SPATS2: variants seen among roughly 807,000 people sequenced by gnomAD.
The protein encoded by SPATS2 is spermatogenesis-associated serine-rich protein 2.
Under a neutral mutation model 63.7 loss-of-function variants are expected in SPATS2, and 38 were observed. That is an observed-to-expected ratio of 0.60 (90% confidence interval 0.46 to 0.78). The LOEUF is 0.78. Among genes scored for constraint, SPATS2 ranks in the 30% least tolerant of loss-of-function variants. SPATS2 has a pLI of 0.00. For missense variants in SPATS2, 588 were observed against 666.2 expected, an observed-to-expected ratio of 0.88 and a Z score of 1.29; for synonymous variants, 207 against 232.9, an observed-to-expected ratio of 0.89 and a Z score of 1.01.
intron 2 of SPATS2, among the ~76,000 whole-genome samples, chr12:49,427,470 T>C (rs773962378): frequency 2.6e-5 from 4 of 152,328 alleles, no homozygotes; most frequent in African/African-American, 4.8e-5. Context: ...TTAACTGTTA[T>C]GAATACTACG....
chr12:49,403,628 CACACACACACACAA>C (rs1293297415), intron 2 of SPATS2, among the ~76,000 whole-genome samples: 13 of 150,662 alleles, frequency 8.6e-5, no homozygotes, highest in African/African-American at 3.0e-4. Context: ...CACACACACA[CACACACACACACAA>C]ACAAAACTGG....
chr12:49,436,616 C>G (rs549256977), intron 2 of SPATS2, among the ~76,000 whole-genome samples: 8,395 of 131,706 alleles, frequency 0.064, 235 homozygotes, highest in African/African-American at 0.073. Context: ...GCTGACCCCC[C>G]CACCTCCCTC....
chr12:49,510,337 G>A (rs1946730555), intron 9 of SPATS2, among the ~76,000 whole-genome samples: 1 of 151,620 alleles, frequency 6.6e-6, no homozygotes, highest in South Asian at 2.1e-4. Context: ...TGATGTGGAT[G>A]GATCGCTTGA....
chr12:49,498,145 A>AAAAAAAAAAAAAAT (rs66900382), intron 8 of SPATS2, among the ~76,000 whole-genome samples: 1 of 98,980 alleles, frequency 1.0e-5, no homozygotes, highest in Non-Finnish European at 1.9e-5. Context: ...AAAAAAAAAA[A>AAAAAAAAAAAAAAT]ATATATATAT....
intron 6 of SPATS2, among the ~76,000 whole-genome samples, chr12:49,491,529 A>G (rs1946382449): frequency 6.6e-6 from 1 of 152,018 alleles, no homozygotes; most frequent in Non-Finnish European, 1.5e-5. Context: ...GGGCAACATG[A>G]TGAAACCTGA....
chr12:49,375,447 G>A (rs141670936), intron 2 of SPATS2, among the ~76,000 whole-genome samples: 305 of 152,286 alleles, frequency 2.0e-3, no homozygotes, highest in African/African-American at 6.8e-3. Context: ...TAGTTGAGCA[G>A]TACTTTTCCT....
intron 8 of SPATS2, 35 bp downstream of exon 8, chr12:49,497,044 A>C (rs1486249106): frequency 1.3e-6 from 2 of 1,504,332 alleles, no homozygotes; most frequent in African/African-American, 2.8e-5. Context: ...AGAAAATGAA[A>C]AATCTGTGTT....
chr12:49,500,974 G>T (rs990323679), intron 9 of SPATS2, among the ~76,000 whole-genome samples: 2 of 151,726 alleles, frequency 1.3e-5, no homozygotes, highest in Non-Finnish European at 2.9e-5. Context: ...TTGAGACAGG[G>T]TCTTACTCTG....
At chr12:49,515,726 A>G (rs1592477173) in intron 10 of SPATS2, among the ~76,000 whole-genome samples, 1 of 152,310 alleles carries the variant, frequency 6.6e-6, no homozygotes, top group Non-Finnish European at 1.5e-5. Context: ...TTTTGAGAAG[A>G]AGGTCCTTTT....
intron 2 of SPATS2, among the ~76,000 whole-genome samples, chr12:49,383,137 C>G (rs911382164): frequency 6.6e-6 from 1 of 152,016 alleles, no homozygotes; most frequent in African/African-American, 2.4e-5. Flanking sequence ...CCTGCCTCAG[C>G]CTCCCGGCTA....
At chr12:49,508,641 C>T (rs1946692965) in intron 9 of SPATS2, among the ~76,000 whole-genome samples, 1 of 152,094 alleles carries the variant, frequency 6.6e-6, no homozygotes, top group South Asian at 2.1e-4. Flanking sequence ...CACTTTGTTA[C>T]CCAGTCTGGT....
rs551502271 is a variant in SPATS2 at position 49,386,197 on chromosome 12, C to T, written c.-244+14907C>T. On this transcript the variant is annotated intron_variant, in intron 2 of 13. Coordinates refer to ENST00000552918, the MANE Select transcript of SPATS2 (RefSeq NM_023071.4). Reference sequence around the variant, plus strand: ...GTTATTTATTTGAGACAGAATCTCGCTCTGTCACCCAGGCTGGAGTGCAGT... The same window carrying T: ...GTTATTTATTTGAGACAGAATCTCGTTCTGTCACCCAGGCTGGAGTGCAGT... Among the ~76,000 whole-genome samples, 158 of 151,156 alleles carry T rather than the reference C, an allele frequency of 1.0e-3. 2 individuals are homozygous for T. The South Asian group carries it at 0.031, about 30-fold the overall frequency.
chr12:49,471,628 G>C (rs1946035605), intron 3 of SPATS2, among the ~76,000 whole-genome samples: 1 of 152,144 alleles, frequency 6.6e-6, no homozygotes, highest in African/African-American at 2.4e-5. Context: ...CACTGTGCCT[G>C]GCCAAAATTT....
At chr12:49,502,289 A>T (rs1209351407) in intron 9 of SPATS2, among the ~76,000 whole-genome samples, 2 of 152,190 alleles carry the variant, frequency 1.3e-5, no homozygotes, top group Non-Finnish European at 2.9e-5. Context: ...ATTGCAGAGG[A>T]GTAGTTAATC....
intron 1 of SPATS2, among the ~76,000 whole-genome samples, chr12:49,369,964 A>G (rs1943970173): frequency 1.3e-5 from 2 of 152,208 alleles, no homozygotes; most frequent in African/African-American, 2.4e-5. Context: ...TTTAGAAACC[A>G]GGAGTGAAAC....
At position 49,460,933 on chromosome 12, in the gene SPATS2, T is replaced by G. The variant is rs555735012; in HGVS notation, c.-80T>G. On this transcript the variant is annotated 5_prime_UTR_variant, in exon 3 of 14. Coordinates refer to ENST00000552918, the MANE Select transcript of SPATS2 (RefSeq NM_023071.4). ...CACACTTCCGTTGCCCACTTTTAAA[T>G]CAGAGATACCTACACTCAAAACCCA... 1.5e-4 allele frequency: 240 copies of G among 1,555,214 alleles called. 2 individuals carry two copies. The South Asian group carries it at 2.6e-3, about 17-fold the overall frequency.
intron 2 of SPATS2, among the ~76,000 whole-genome samples, chr12:49,449,800 A>G (rs1382895068): frequency 6.6e-6 from 1 of 152,192 alleles, no homozygotes; most frequent in African/African-American, 2.4e-5. Context: ...TGATTCAGTT[A>G]TCTCCACCTG....
In SPATS2 at chr12:49,498,132, C is replaced by CA. The variant is rs71439501; in HGVS notation, c.703+1137dup. ...CAGGTTTGAGACTATCCAATCAAGCCAAAAAAAAAAAAAATATATATATAT... is the reference window on the plus strand; with the variant it reads ...CAGGTTTGAGACTATCCAATCAAGCCAAAAAAAAAAAAAAATATATATATAT... On this transcript the variant is annotated intron_variant, in intron 8 of 13. Coordinates refer to ENST00000552918, the MANE Select transcript of SPATS2 (RefSeq NM_023071.4). Among the ~76,000 whole-genome samples, 107 of 117,290 alleles carry CA rather than the reference C, an allele frequency of 9.1e-4. 1 individual carries two copies. The highest frequency in any genetic ancestry group is 2.0e-3 in the Admixed American group (24 of 12,208). The allele number at this position is 117,290 out of a possible 152,430, so 76.9% of individuals were successfully genotyped here.
chr12:49,389,958 A>C, intron 2 of SPATS2: 1 of 807,422 alleles, frequency 1.2e-6, no homozygotes, highest in Non-Finnish European at 2.2e-6. Context: ...TGGCAGCAGT[A>C]ATGAAGAAAG....
Sources: allele counts gnomAD v4.1 joint callset (sites outside exome capture counted in the v4.1 genomes callset), GRCh38; gene constraint gnomAD v4.1.1; transcripts MANE v1.5; gene names NCBI Gene and HGNC (gene_info 2026-07-23, HGNC 2026-07-21).